Variants in MAGI3 observed in about 807,000 individuals in gnomAD.
MAGI3 encodes the protein membrane associated guanylate kinase, WW and PDZ domain containing 3, also known as membrane-associated guanylate kinase, WW and PDZ domain-containing protein 3.
MAGI3 carries 43 observed loss-of-function variants against 121.8 expected under a neutral mutation model. The ratio of observed to expected loss-of-function variants is 0.35; its 90% CI spans 0.28 to 0.46. The LOEUF (loss-of-function observed/expected upper bound fraction) is 0.46. MAGI3 is among the 20% of genes least tolerant of loss of function. The pLI is 1.00. For synonymous variants in MAGI3, 553 were observed against 639.3 expected (o/e 0.86, Z 2.04); for missense variants, 1,547 against 1,797.3 (o/e 0.86, Z 2.52).
At chr1:113,601,077 G>A (rs940207100) in intron 6 of MAGI3, among the ~76,000 whole-genome samples, 2 of 151,978 alleles carry the variant, frequency 1.3e-5, no homozygotes, top group Non-Finnish European at 2.9e-5. Flanking sequence ...ATTCAAGATG[G>A]ATTAAAGACT....
intron 1 of MAGI3, among the ~76,000 whole-genome samples, chr1:113,460,578 G>T (rs916736543): frequency 6.6e-6 from 1 of 152,168 alleles, no homozygotes; most frequent in African/African-American, 2.4e-5. Flanking sequence ...GGGAGGCCGA[G>T]GTGGGCGGAT....
At chr1:113,467,810 C>T (rs1655362250) in intron 1 of MAGI3, among the ~76,000 whole-genome samples, 1 of 152,158 alleles carries the variant, frequency 6.6e-6, no homozygotes, top group African/African-American at 2.4e-5. Context: ...GCTGAGATTG[C>T]AGGCATAAGC....
At chr1:113,491,210 G>A (rs1656650242) in intron 1 of MAGI3, among the ~76,000 whole-genome samples, 1 of 152,122 alleles carries the variant, frequency 6.6e-6, no homozygotes, top group Non-Finnish European at 1.5e-5. Flanking sequence ...TAGAAATCAA[G>A]ACTAAGAAAT....
At chr1:113,523,571 C>G (rs1658307485) in intron 1 of MAGI3, among the ~76,000 whole-genome samples, 1 of 152,234 alleles carries the variant, frequency 6.6e-6, no homozygotes, top group Middle Eastern at 3.4e-3. Context: ...CAGCATTTTG[C>G]CCCTGCCCTA....
intron 1 of MAGI3, among the ~76,000 whole-genome samples, chr1:113,476,851 G>A (rs1046304304): frequency 3.3e-5 from 5 of 152,260 alleles, no homozygotes; most frequent in Non-Finnish European, 7.4e-5. Context: ...TATTGTGTGG[G>A]AGTCTAAGTC....
At chr1:113,614,170 G>A (rs2101774641) in intron 6 of MAGI3, among the ~76,000 whole-genome samples, 1 of 152,258 alleles carries the variant, frequency 6.6e-6, no homozygotes, top group South Asian at 2.1e-4. Flanking sequence ...TCCAAGGCTA[G>A]GGTTTCCTTT....
At chr1:113,392,559 A>G (rs552896301) in intron 1 of MAGI3, among the ~76,000 whole-genome samples, 13 of 152,296 alleles carry the variant, frequency 8.5e-5, no homozygotes, top group African/African-American at 2.2e-4. Flanking sequence ...TGCAGTTTAC[A>G]TATGTCTGTG....
rs6685328 is a variant in MAGI3, at chr1:113,437,103, C to T, written c.316+45754C>T. ...TGCTGGGATTACAGGCATGAGCCAC[C>T]GCACCCGGCCTGGAAAATATTTTTT... On this transcript the variant is annotated intron_variant, in intron 1 of 20. Transcript: ENST00000307546. Among the ~76,000 whole-genome samples the T allele has an allele frequency of 7.4e-3, 1,125 of 152,110 alleles. 14 individuals are homozygous for T. Among genetic ancestry groups the T allele is most frequent in the African/African-American group, 0.025 (1,030 of 41,530 alleles).
At chr1:113,614,790 G>A in intron 7 of MAGI3, 132 bp downstream of exon 7, 1 of 599,368 alleles carries the variant, frequency 1.7e-6, no homozygotes, top group Non-Finnish European at 2.8e-6. Context: ...GGAATGAAAA[G>A]GTAGGGGCAG....
At chr1:113,478,631 G>C (rs1655966723) in intron 1 of MAGI3, among the ~76,000 whole-genome samples, 1 of 152,174 alleles carries the variant, frequency 6.6e-6, no homozygotes, top group Non-Finnish European at 1.5e-5. Flanking sequence ...TCGTCCCAGA[G>C]GGTCAGCTGT....
intron 6 of MAGI3, among the ~76,000 whole-genome samples, chr1:113,610,079 T>C (rs565565338): frequency 7.9e-5 from 12 of 152,298 alleles, no homozygotes; most frequent in Admixed American, 7.8e-4. Context: ...TTATAGACTC[T>C]TTTTAGCCCT....
intron 9 of MAGI3, among the ~76,000 whole-genome samples, chr1:113,632,474 C>A (rs541321012): frequency 6.6e-6 from 1 of 152,200 alleles, no homozygotes; most frequent in South Asian, 2.1e-4. Flanking sequence ...TTGGCAATAA[C>A]CTTTTAAATA....
At chr1:113,463,791 T>G (rs953691176) in intron 1 of MAGI3, among the ~76,000 whole-genome samples, 6 of 152,022 alleles carry the variant, frequency 3.9e-5, no homozygotes, top group African/African-American at 1.4e-4. Flanking sequence ...TACCTTAAAT[T>G]AACATATTAA....
At chr1:113,493,038 T>A (rs1393020995) in intron 1 of MAGI3, among the ~76,000 whole-genome samples, 2 of 152,138 alleles carry the variant, frequency 1.3e-5, no homozygotes, top group Non-Finnish European at 2.9e-5. Flanking sequence ...TAGAAAAAAC[T>A]ATTTTAAAAT....
At chr1:113,457,898 A>C (rs1301200721) in intron 1 of MAGI3, among the ~76,000 whole-genome samples, 1 of 152,152 alleles carries the variant, frequency 6.6e-6, no homozygotes, top group Non-Finnish European at 1.5e-5. Context: ...CTGTTCTAAG[A>C]GCATTTCCCA....
At chr1:113,407,584 T>A (rs942674025) in intron 1 of MAGI3, among the ~76,000 whole-genome samples, 1 of 150,696 alleles carries the variant, frequency 6.6e-6, no homozygotes, top group African/African-American at 2.4e-5. Context: ...TTTTTTTTTT[T>A]ATGCCTTTCA....
At chr1:113,446,159 T>C (rs1344783710) in intron 1 of MAGI3, among the ~76,000 whole-genome samples, 1 of 152,222 alleles carries the variant, frequency 6.6e-6, no homozygotes, top group Non-Finnish European at 1.5e-5. Context: ...TTTAAGAAAC[T>C]ATCACATTTA....
At chr1:113,485,661 A>G (rs754664068) in intron 1 of MAGI3, among the ~76,000 whole-genome samples, 1 of 152,160 alleles carries the variant, frequency 6.6e-6, no homozygotes. Context: ...GAAGCTTTAT[A>G]GTTTGATTAA....
chr1:113,485,717 C>T (rs2101572250), intron 1 of MAGI3, among the ~76,000 whole-genome samples: 1 of 152,244 alleles, frequency 6.6e-6, no homozygotes, highest in African/African-American at 2.4e-5. Flanking sequence ...CTTTCGGGTT[C>T]TTAGTCATGA....
Sources: allele counts gnomAD v4.1 joint callset (sites outside exome capture counted in the v4.1 genomes callset), GRCh38; gene constraint gnomAD v4.1.1; transcripts MANE v1.5; gene names NCBI Gene and HGNC (gene_info 2026-07-23, HGNC 2026-07-21).